SULT2A1: variants seen among roughly 807,000 people sequenced by gnomAD.
The protein encoded by SULT2A1 is sulfotransferase family 2A member 1.
SULT2A1 carries 43 observed loss-of-function variants against 33.9 expected under a neutral mutation model. The ratio of observed to expected loss-of-function variants is 1.27; its 90% CI spans 1.00 to 1.64. The LOEUF (loss-of-function observed/expected upper bound fraction) is 1.64. Ranked by LOEUF, SULT2A1 falls within the 40% of genes most tolerant of loss-of-function variation. The pLI is 0.00. For missense variants in SULT2A1, 300 were observed against 335.1 expected (o/e 0.90, Z 0.82); for synonymous variants, 125 against 113.6 (o/e 1.10, Z -0.64).
chr19:47,886,076 G>T, intron 1 of SULT2A1, 46 bp downstream of exon 1: 1 of 1,601,408 alleles, frequency 6.2e-7, no homozygotes. Context: ...TGAATGGACA[G>T]GAACACAACC....
At chr19:47,877,976 G>A (rs1208267578) in intron 4 of SULT2A1, among the ~76,000 whole-genome samples, 1 of 152,180 alleles carries the variant, frequency 6.6e-6, no homozygotes, top group African/African-American at 2.4e-5. Context: ...CTTCATTTCT[G>A]TTCATACCAG....
At chr19:47,874,874 A>C (rs753021833) in intron 4 of SULT2A1, 40 bp from the exon 5 acceptor site, 1 of 1,591,724 alleles carries the variant, frequency 6.3e-7, no homozygotes, top group South Asian at 1.1e-5. Flanking sequence ...CGAAAGAGAA[A>C]GACAAGGCTG....
chr19:47,876,991 C>T (rs986446736), intron 4 of SULT2A1, among the ~76,000 whole-genome samples: 3 of 148,386 alleles, frequency 2.0e-5, no homozygotes, highest in Non-Finnish European at 1.5e-5. Context: ...GCAGAAGAAT[C>T]GCTTGAACCC....
At chr19:47,883,128 G>A (rs11671690) in intron 2 of SULT2A1, among the ~76,000 whole-genome samples, 4,367 of 152,088 alleles carry the variant, frequency 0.029, 80 homozygotes, top group Non-Finnish European at 0.045. Context: ...TCCTGGCCCC[G>A]GGGCAGTCAA....
chr19:47,882,882 C>T (rs1427947587), intron 2 of SULT2A1, among the ~76,000 whole-genome samples: 2 of 152,052 alleles, frequency 1.3e-5, no homozygotes, highest in Non-Finnish European at 2.9e-5. Context: ...CACCAATGCA[C>T]TCCAGCCTGG....
chr19:47,879,013 G>A lies in SULT2A1; in HGVS notation c.567+23C>T, dbSNP rs199682315. ...GGATGGTGGTGAGAGGGTGTGCACT[G>A]ACTCTAAAAATGATGGGATTACCTG... is the stretch of plus-strand genomic sequence containing the variant. On this transcript the variant is annotated intron_variant, in intron 4 of 5. Transcript: ENST00000222002. The A allele has an allele frequency of 2.0e-6, 3 of 1,473,180 alleles. No homozygotes were observed. In the African/African-American group the frequency reaches 4.1e-5, roughly 20 times the overall value. 91.3% of individuals were successfully genotyped at this position (1,473,180 alleles called of 1,614,324 possible).
chr19:47,878,382 T>C (rs911895269), intron 4 of SULT2A1, among the ~76,000 whole-genome samples: 3 of 151,948 alleles, frequency 2.0e-5, no homozygotes, highest in African/African-American at 7.3e-5. Context: ...TCTTGCTGTT[T>C]CGTAGACTGG....
intron 2 of SULT2A1, among the ~76,000 whole-genome samples, chr19:47,883,005 T>C (rs933519863): frequency 1.3e-5 from 2 of 152,130 alleles, no homozygotes; most frequent in Non-Finnish European, 2.9e-5. Context: ...TGCAAGGTCC[T>C]GGATATGCCT....
chr19:47,871,786 C>T (rs62529877), intron 5 of SULT2A1, among the ~76,000 whole-genome samples: 17,739 of 152,150 alleles, frequency 0.12, 1,296 homozygotes, highest in Non-Finnish European at 0.17. Context: ...TCAGCAATAA[C>T]GCCAGTATAT....
intron 4 of SULT2A1, among the ~76,000 whole-genome samples, chr19:47,876,942 C>T (rs1016473998): frequency 1.7e-4 from 26 of 149,452 alleles, no homozygotes; most frequent in Non-Finnish European, 3.4e-4. Context: ...CTGGGCATGG[C>T]GGCGTGCATC....
At chr19:47,874,111 A>C (rs565254879) in intron 5 of SULT2A1, among the ~76,000 whole-genome samples, 1 of 152,260 alleles carries the variant, frequency 6.6e-6, no homozygotes, top group South Asian at 2.1e-4. Flanking sequence ...AGAGAATCTG[A>C]ATGACCTCAC....
chr19:47,884,804 C>CT (rs71181611), intron 1 of SULT2A1, among the ~76,000 whole-genome samples: 22,184 of 63,800 alleles, frequency 0.35, 8,163 homozygotes, highest in East Asian at 0.66. Flanking sequence ...CTCTCAACCA[C>CT]TTTTTTTTTT....
In SULT2A1 at chr19:47,874,817, T is replaced by C; in HGVS notation, c.585A>G (p.Ile195Met). 6.2e-7 allele frequency: 1 copy of C among 1,613,886 alleles called. No individual in the cohort carries two copies. Among genetic ancestry groups the C allele is most frequent in the South Asian group, 1.1e-5 (1 of 91,034 alleles). ...EELKQDTGRT[I>M]EKICQFLGKT... ...TTCCCAGGAATTGACAGATCTTCTC[T>C]ATGGTTCTTCCTGTGTCCTAAAAAA... The change falls in exon 5 of 6, where the codon ATA (isoleucine) becomes ATG (methionine). Residue 195 changes from isoleucine (I) to methionine (M), a missense_variant. Ile to Met is a conservative substitution (Grantham distance 10). Transcript: ENST00000222002.
chr19:47,883,748 G>C lies in SULT2A1; in HGVS notation c.174C>G (p.His58Gln). The change falls in exon 2 of 6, where the codon CAC (histidine) becomes CAG (glutamine). Residue 58 changes from histidine to glutamine, a missense_variant. His to Gln is a conservative substitution (Grantham distance 24, BLOSUM62 0). Coordinates refer to ENST00000222002, the MANE Select transcript of SULT2A1 (RefSeq NM_003167.4). ...NWLAEILCLMHSKGDAKWIQS... is the reference protein window; with the variant it reads ...NWLAEILCLMQSKGDAKWIQS... Reference sequence around the variant, plus strand: ...GGATCCACTTGGCATCCCCCTTGGAGTGCATCAGGCAGAGAATCTCAGCCA... The same window carrying C: ...GGATCCACTTGGCATCCCCCTTGGACTGCATCAGGCAGAGAATCTCAGCCA... The C allele has an allele frequency of 2.5e-6, 4 of 1,614,102 alleles. No individual in the cohort carries two copies. Among genetic ancestry groups the C allele is most frequent in the Non-Finnish European group, 3.4e-6 (4 of 1,180,028 alleles).
At chr19:47,881,020 G>A (rs901254852) in intron 3 of SULT2A1, among the ~76,000 whole-genome samples, 6 of 152,026 alleles carry the variant, frequency 3.9e-5, no homozygotes, top group African/African-American at 9.7e-5. Context: ...TAAACCCCAC[G>A]CAGTTAAGAA....
rs374339922 is a variant in SULT2A1, at chr19:47,884,167, TTATTTA to T, written c.137-388_137-383del. On this transcript the variant is annotated intron_variant, in intron 1 of 5. Coordinates refer to ENST00000222002, the MANE Select transcript of SULT2A1 (RefSeq NM_003167.4). Reference sequence around the variant, plus strand: ...ATCTCAACCTTAATTTTTTTATTATTTATTTATTTATTTATTTATTTTGAGACAGAG... The same window carrying T: ...ATCTCAACCTTAATTTTTTTATTATTTTTATTTATTTATTTTGAGACAGAG... 7.0e-3 allele frequency among the ~76,000 whole-genome samples: 1,019 copies of T among 146,226 alleles called. 7 individuals are homozygous for T. The highest frequency in any genetic ancestry group is 0.026 in the African/African-American group (970 of 37,874).
chr19:47,886,106 G>C lies in SULT2A1; in HGVS notation c.136+16C>G. 1.2e-6 allele frequency: 2 copies of C among 1,612,030 alleles called. No individual in the cohort carries two copies. The highest frequency in any genetic ancestry group is 1.7e-6 in the Non-Finnish European group (2 of 1,178,916). Reference sequence around the variant, plus strand: ...ACAACCACAGCCTTTCTCAGTTCACGATTCTGCCTCCTTACCTGATTTGGG... The same window carrying C: ...ACAACCACAGCCTTTCTCAGTTCACCATTCTGCCTCCTTACCTGATTTGGG... On this transcript the variant is annotated intron_variant, in intron 1 of 5. Coordinates refer to ENST00000222002, the MANE Select transcript of SULT2A1 (RefSeq NM_003167.4).
In SULT2A1 at chr19:47,883,652, C is replaced by G. The variant is rs748360834; in HGVS notation, c.270G>C (p.Thr90=). ...SEIGYTALSE[T]ESPRLFSSHL... ...GGGAGGAGAATAAACGTGGACTCTCCGTTTCACTGAGTGCTGTATACCCAA... is the reference window on the plus strand; with the variant it reads ...GGGAGGAGAATAAACGTGGACTCTCGGTTTCACTGAGTGCTGTATACCCAA... Residue 90 remains threonine, a synonymous_variant, in exon 2 of 6, where the codon ACG becomes ACC. Coordinates refer to ENST00000222002, the MANE Select transcript of SULT2A1 (RefSeq NM_003167.4). 6.2e-7 allele frequency: 1 copy of G among 1,614,030 alleles called. No homozygotes were observed. Among genetic ancestry groups the G allele is most frequent in the South Asian group, 1.1e-5 (1 of 91,062 alleles).
intron 2 of SULT2A1, among the ~76,000 whole-genome samples, chr19:47,882,548 T>G (rs550812210): frequency 1.3e-5 from 2 of 152,286 alleles, no homozygotes; most frequent in South Asian, 4.1e-4. Flanking sequence ...AATGAATTCA[T>G]AAATTAAGCT....
Sources: allele counts gnomAD v4.1 joint callset (sites outside exome capture counted in the v4.1 genomes callset), GRCh38; gene constraint gnomAD v4.1.1; transcripts MANE v1.5; gene names NCBI Gene and HGNC (gene_info 2026-07-23, HGNC 2026-07-21).